Variants in DLGAP1 observed in about 807,000 individuals in gnomAD.
DLGAP1 encodes disks large-associated protein 1.
Under a neutral mutation model 90.8 loss-of-function variants are expected in DLGAP1, and 11 were observed. That is an observed-to-expected ratio of 0.12 (90% CI 0.08 to 0.20). DLGAP1 has a LOEUF of 0.20. Ranked by LOEUF, DLGAP1 falls within the 10% of genes least tolerant of loss-of-function variation. DLGAP1 has a pLI of 1.00. For synonymous variants in DLGAP1, 558 were observed against 540.7 expected, an observed-to-expected ratio of 1.03 and a Z score of -0.44; for missense variants, 1,050 against 1,333.8, an observed-to-expected ratio of 0.79 and a Z score of 3.31.
intron 7 of DLGAP1, among the ~76,000 whole-genome samples, chr18:3,681,816 G>T (rs1181440576): frequency 1.3e-5 from 2 of 152,034 alleles, no homozygotes; most frequent in Admixed American, 6.6e-5. Context: ...GAGTGAATTC[G>T]TGTGAGATCT....
chr18:4,206,614 G>T (rs958146626), intron 1 of DLGAP1, among the ~76,000 whole-genome samples: 31 of 152,152 alleles, frequency 2.0e-4, no homozygotes, highest in African/African-American at 7.2e-4. Flanking sequence ...CCTACTGTCA[G>T]ATAAGGGAAT....
intron 4 of DLGAP1, among the ~76,000 whole-genome samples, chr18:3,844,357 A>G (rs778133595): frequency 6.6e-6 from 1 of 152,252 alleles, no homozygotes; most frequent in Non-Finnish European, 1.5e-5. Context: ...GAAAAATATG[A>G]TAATTTCTTC....
intron 1 of DLGAP1, among the ~76,000 whole-genome samples, chr18:4,369,340 AAT>A (rs1248882833): frequency 2.6e-5 from 4 of 152,154 alleles, no homozygotes; most frequent in African/African-American, 9.7e-5. Context: ...CCTGGCAAAC[AAT>A]ATATGTTTGT....
At chr18:4,310,283 T>A (rs1292719608) in intron 1 of DLGAP1, among the ~76,000 whole-genome samples, 1 of 152,210 alleles carries the variant, frequency 6.6e-6, no homozygotes. Context: ...CCTTTTTTTG[T>A]TGTTTTTACT....
intron 5 of DLGAP1, among the ~76,000 whole-genome samples, chr18:3,765,216 T>G (rs147735120): frequency 1.4e-5 from 2 of 147,184 alleles, no homozygotes; most frequent in African/African-American, 5.1e-5. Flanking sequence ...CAGCAAGCTT[T>G]GCCTCCCGGG....
At chr18:4,048,342 G>A (rs543713163) in intron 2 of DLGAP1, among the ~76,000 whole-genome samples, 22 of 152,258 alleles carry the variant, frequency 1.4e-4, no homozygotes, top group Non-Finnish European at 2.4e-4. Flanking sequence ...CTTGACATTT[G>A]AAAGCAATGA....
At chr18:4,112,704 A>C (rs2075995635) in intron 2 of DLGAP1, among the ~76,000 whole-genome samples, 1 of 152,098 alleles carries the variant, frequency 6.6e-6, no homozygotes, top group Non-Finnish European at 1.5e-5. Flanking sequence ...GGTACAATTT[A>C]TCCCATCACT....
chr18:3,675,419 C>T (rs1054707726), intron 7 of DLGAP1, among the ~76,000 whole-genome samples: 1 of 152,178 alleles, frequency 6.6e-6, no homozygotes, highest in Non-Finnish European at 1.5e-5. Context: ...ATCTCTACAA[C>T]ACGATTAAAT....
intron 8 of DLGAP1, among the ~76,000 whole-genome samples, chr18:3,568,876 C>T (rs377432929): frequency 4.6e-4 from 69 of 151,390 alleles, no homozygotes; most frequent in East Asian, 4.3e-3. Context: ...TTAGTAGAGA[C>T]GGGGTTTCAC....
intron 3 of DLGAP1, among the ~76,000 whole-genome samples, chr18:3,887,538 G>A (rs1007616413): frequency 1.3e-5 from 2 of 152,190 alleles, no homozygotes; most frequent in African/African-American, 4.8e-5. Context: ...TATACCAAGA[G>A]AGGAGGACAA....
At chr18:3,814,373 T>G in intron 4 of DLGAP1, 100 bp from the exon 5 acceptor site, 1 of 1,210,774 alleles carries the variant, frequency 8.3e-7, no homozygotes, top group Non-Finnish European at 1.1e-6. Context: ...TTTTTTTTTT[T>G]TTTTTTGAGA....
chr18:4,245,388 C>G (rs2145156495), intron 1 of DLGAP1, among the ~76,000 whole-genome samples: 1 of 152,122 alleles, frequency 6.6e-6, no homozygotes, highest in South Asian at 2.1e-4. Context: ...TTTTTGGGAG[C>G]TTATGTTACA....
chr18:3,520,754 G>A (rs2051133750), intron 10 of DLGAP1, among the ~76,000 whole-genome samples: 1 of 152,166 alleles, frequency 6.6e-6, no homozygotes, highest in African/African-American at 2.4e-5. Flanking sequence ...CTTTATTATG[G>A]CAGCCTTAGC....
At chr18:4,143,851 T>C (rs1462291105) in intron 2 of DLGAP1, among the ~76,000 whole-genome samples, 2 of 152,172 alleles carry the variant, frequency 1.3e-5, no homozygotes, top group Admixed American at 1.3e-4. Flanking sequence ...CTGCCAGGAC[T>C]GGGTCCTTCC....
chr18:4,337,645 T>G (rs1250221347), intron 1 of DLGAP1, among the ~76,000 whole-genome samples: 1 of 152,136 alleles, frequency 6.6e-6, no homozygotes, highest in African/African-American at 2.4e-5. Flanking sequence ...CGGGAGCCAA[T>G]TGTCAATTCC....
intron 1 of DLGAP1, among the ~76,000 whole-genome samples, chr18:4,221,500 G>A (rs1179534086): frequency 6.6e-6 from 1 of 152,032 alleles, no homozygotes; most frequent in Non-Finnish European, 1.5e-5. Flanking sequence ...CTGCTTCCAA[G>A]AAGCAGCTTT....
intron 1 of DLGAP1, among the ~76,000 whole-genome samples, chr18:4,315,129 C>T (rs192562009): frequency 3.3e-4 from 51 of 152,308 alleles, no homozygotes; most frequent in African/African-American, 1.2e-3. Flanking sequence ...AGTTCTGTCC[C>T]TCACTGGGTG....
chr18:4,124,298 C>T (rs1254272953), intron 2 of DLGAP1, among the ~76,000 whole-genome samples: 2 of 152,108 alleles, frequency 1.3e-5, no homozygotes, highest in Admixed American at 1.3e-4. Context: ...ATTTCTCCAC[C>T]CCTACACCTC....
At chr18:3,531,230 A>G (rs1296166977) in intron 10 of DLGAP1, among the ~76,000 whole-genome samples, 2 of 152,052 alleles carry the variant, frequency 1.3e-5, no homozygotes, top group African/African-American at 4.8e-5. Flanking sequence ...TGAGGTCAGG[A>G]GTTCAAGACC....
Sources: gnomAD v4.1 joint callset for allele counts (sites outside exome capture counted in the v4.1 genomes callset) on GRCh38, gnomAD v4.1.1 for gene constraint, MANE v1.5 for transcripts, NCBI Gene and HGNC (gene_info 2026-07-23, HGNC 2026-07-21) for gene names.